The following MARCHF8 variants were observed in gnomAD, a reference collection of about 807,000 sequenced individuals.
MARCHF8 encodes E3 ubiquitin-protein ligase MARCHF8.
A neutral mutation model predicts 51.6 loss-of-function variants in MARCHF8; 40 were observed. That is an observed-to-expected ratio of 0.77 (90% CI 0.60 to 1.01). The LOEUF is 1.01. MARCHF8 is among the 50% of genes least tolerant of loss of function. The pLI is 0.00. For missense variants in MARCHF8, 685 were observed against 708.6 expected, an observed-to-expected ratio of 0.97 and a Z score of 0.38; for synonymous variants, 263 against 280.3, an observed-to-expected ratio of 0.94 and a Z score of 0.62.
intron 1 of MARCHF8, among the ~76,000 whole-genome samples, chr10:45,548,152 C>T (rs1175867021): frequency 1.3e-5 from 2 of 152,194 alleles, no homozygotes; most frequent in African/African-American, 4.8e-5. Context: ...ACAATGCTAC[C>T]CAGTAGGAAA....
chr10:45,586,296 C>G (rs35049879), intron 1 of MARCHF8, among the ~76,000 whole-genome samples: 9,390 of 152,182 alleles, frequency 0.062, 330 homozygotes, highest in Non-Finnish European at 0.067. Context: ...AATTACACAT[C>G]AATCAAATCA....
chr10:45,464,232 G>C lies in MARCHF8; in HGVS notation c.242+7C>G. The C allele has an allele frequency of 6.2e-7, 1 of 1,612,906 alleles. No homozygotes were observed. The highest frequency in any genetic ancestry group is 2.2e-5 in the East Asian group (1 of 44,884). On this transcript the variant is annotated splice_region_variant and intron_variant, in intron 4 of 7. Coordinates refer to ENST00000453424, the MANE Select transcript of MARCHF8 (RefSeq NM_001282866.2). Reference sequence around the variant, plus strand: ...TGATCATGGCAGCATCTGAAGCAGAGTGTTACCTGCAGATGTCCTGGCTGG... The same window carrying C: ...TGATCATGGCAGCATCTGAAGCAGACTGTTACCTGCAGATGTCCTGGCTGG...
intron 1 of MARCHF8, among the ~76,000 whole-genome samples, chr10:45,590,385 T>C (rs1031375949): frequency 1.3e-5 from 2 of 152,196 alleles, no homozygotes; most frequent in East Asian, 1.9e-4. Context: ...CTTTAATAGA[T>C]ACATGGTTTT....
At chr10:45,577,499 A>C (rs1200235937) in intron 1 of MARCHF8, among the ~76,000 whole-genome samples, 5 of 152,108 alleles carry the variant, frequency 3.3e-5, no homozygotes, top group African/African-American at 1.2e-4. Context: ...ATATATACCT[A>C]CTATGTGCCC....
At chr10:45,522,347 C>T (rs1229061188) in intron 2 of MARCHF8, among the ~76,000 whole-genome samples, 1 of 152,104 alleles carries the variant, frequency 6.6e-6, no homozygotes, top group Admixed American at 6.5e-5. Context: ...ACAAAGTAAC[C>T]ATTTCATCTC....
chr10:45,582,946 C>A (rs1239504647), intron 1 of MARCHF8, among the ~76,000 whole-genome samples: 1 of 152,158 alleles, frequency 6.6e-6, no homozygotes, highest in Non-Finnish European at 1.5e-5. Flanking sequence ...GATGTAACCA[C>A]AGTCAGAGAG....
upstream of MARCHF8, among the ~76,000 whole-genome samples, chr10:45,539,496 C>CA (rs1429627435): frequency 1.3e-5 from 2 of 152,116 alleles, no homozygotes; most frequent in African/African-American, 4.8e-5. Flanking sequence ...AATAGAGACA[C>CA]AAAAGACCCT....
At chr10:45,547,593 G>A (rs1564512293) in intron 1 of MARCHF8, among the ~76,000 whole-genome samples, 1 of 152,154 alleles carries the variant, frequency 6.6e-6, no homozygotes, top group Non-Finnish European at 1.5e-5. Flanking sequence ...AACCGATCAG[G>A]TGAACCTAAA....
intron 1 of MARCHF8, among the ~76,000 whole-genome samples, chr10:45,543,048 T>C (rs750145929): frequency 6.6e-6 from 1 of 152,208 alleles, no homozygotes; most frequent in Non-Finnish European, 1.5e-5. Flanking sequence ...CTAACTACAA[T>C]CTGGCTTCAG....
intron 2 of MARCHF8, among the ~76,000 whole-genome samples, chr10:45,519,057 T>C (rs976292810): frequency 2.0e-5 from 3 of 152,182 alleles, no homozygotes; most frequent in African/African-American, 4.8e-5. Context: ...CAAAAAAACT[T>C]CTGACAGATT....
At chr10:45,520,475 T>C (rs1157933279) in intron 2 of MARCHF8, among the ~76,000 whole-genome samples, 1 of 152,160 alleles carries the variant, frequency 6.6e-6, no homozygotes, top group Non-Finnish European at 1.5e-5. Flanking sequence ...AATGCTGAAG[T>C]AGTGCTGGCC....
chr10:45,591,691 C>A (rs748731210), intron 1 of MARCHF8, among the ~76,000 whole-genome samples: 1 of 151,938 alleles, frequency 6.6e-6, no homozygotes, highest in African/African-American at 2.4e-5. Flanking sequence ...CAGAAAGACA[C>A]CAGAGCAGTT....
At chr10:45,461,520 A>G (rs1842786247) in intron 5 of MARCHF8, 109 bp from the exon 6 acceptor site, 1 of 892,158 alleles carries the variant, frequency 1.1e-6, no homozygotes, top group Non-Finnish European at 1.5e-6. Context: ...CGAACATTAC[A>G]GAAGTGACTA....
intron 2 of MARCHF8, among the ~76,000 whole-genome samples, chr10:45,490,708 A>G (rs917205873): frequency 6.6e-6 from 1 of 152,190 alleles, no homozygotes; most frequent in African/African-American, 2.4e-5. Context: ...CTTGCTCTAA[A>G]CCCAAATGAG....
rs748774435 is a variant in MARCHF8, at chr10:45,463,483, C to A, written c.756G>T (p.Thr252=). 1.3e-6 allele frequency: 2 copies of A among 1,550,636 alleles called. No homozygotes were observed. The highest frequency in any genetic ancestry group is 3.9e-5 in the Admixed American group (2 of 51,016). The change falls in exon 5 of 8, where the codon ACG becomes ACT. Residue 252 remains threonine (T), a synonymous_variant. Coordinates refer to ENST00000453424, the MANE Select transcript of MARCHF8 (RefSeq NM_001282866.2). ...LLEEKADGEA[T]SRSRQLLQYL... is the part of the protein sequence containing the mutation. ...ACTGGAGCAGTTGCCGGCTTCGGGA[C>A]GTGGCCTCACCATCCGCCTTCTCTT...
At chr10:45,548,325 A>G (rs1435984768) in intron 1 of MARCHF8, among the ~76,000 whole-genome samples, 1 of 152,216 alleles carries the variant, frequency 6.6e-6, no homozygotes, top group Non-Finnish European at 1.5e-5. Flanking sequence ...GAGACACCAC[A>G]GCTGCATGAG....
At chr10:45,473,410 G>A (rs999257767) in intron 3 of MARCHF8, among the ~76,000 whole-genome samples, 2 of 152,256 alleles carry the variant, frequency 1.3e-5, no homozygotes, top group Non-Finnish European at 1.5e-5. Flanking sequence ...GGCTGGCAGA[G>A]AGATACTCGT....
intron 1 of MARCHF8, among the ~76,000 whole-genome samples, chr10:45,540,458 A>C (rs2044034272): frequency 6.6e-6 from 1 of 152,232 alleles, no homozygotes; most frequent in Non-Finnish European, 1.5e-5. Flanking sequence ...CTAAAACCAT[A>C]AAAACCCTAG....
At chr10:45,558,419 T>C (rs1414794746) in intron 1 of MARCHF8, among the ~76,000 whole-genome samples, 11 of 152,120 alleles carry the variant, frequency 7.2e-5, no homozygotes, top group Non-Finnish European at 1.6e-4. Context: ...GGGATGATAG[T>C]GGTATTGTGT....
Sources: allele counts gnomAD v4.1 joint callset (sites outside exome capture counted in the v4.1 genomes callset), GRCh38; gene constraint gnomAD v4.1.1; transcripts MANE v1.5; gene names NCBI Gene and HGNC (gene_info 2026-07-23, HGNC 2026-07-21).